Variants in KICS2 observed in about 807,000 individuals in gnomAD.
KICS2 encodes KICSTOR complex protein C12orf66.
A neutral mutation model predicts 31.4 loss-of-function variants in KICS2; 13 were observed. That is an observed-to-expected ratio of 0.41 (90% CI 0.27 to 0.66). KICS2 has a LOEUF of 0.66. Ranked by LOEUF, KICS2 falls within the 30% of genes least tolerant of loss-of-function variation. KICS2 has a pLI of 0.28. For missense variants in KICS2, 455 were observed against 545.4 expected, an observed-to-expected ratio of 0.83 and a Z score of 1.65; for synonymous variants, 209 against 214.8, an observed-to-expected ratio of 0.97 and a Z score of 0.24.
At chr12:64,212,118 A>G (rs900284018) in intron 2 of KICS2, among the ~76,000 whole-genome samples, 2 of 150,020 alleles carry the variant, frequency 1.3e-5, no homozygotes, top group African/African-American at 4.9e-5. Context: ...AAGGACAGTT[A>G]TATGTTCATT....
Position 64,196,310 on chromosome 12 carries a change from T to G in KICS2, c.522-1652A>C, listed in dbSNP as rs867586123. Among the ~76,000 whole-genome samples the G allele has an allele frequency of 1.6e-3, 238 of 151,802 alleles. 5 individuals are homozygous for G. The highest frequency in any genetic ancestry group is 5.6e-3 in the African/African-American group (232 of 41,216). ...CCTGACCCCTGACCCCCGAGCAGCC[T>G]AACTGGGAGGCACCCCCCAGCAGGG... On this transcript the variant is annotated intron_variant, in intron 2 of 2. Coordinates refer to ENST00000398055, the MANE Select transcript of KICS2 (RefSeq NM_152440.5).
rs534348683 is a variant in KICS2, at chr12:64,195,964, T to C, written c.522-1306A>G. Among the ~76,000 whole-genome samples, 3 of 151,482 alleles carry C rather than the reference T, an allele frequency of 2.0e-5. No individual in the cohort carries two copies. The East Asian group carries it at 5.8e-4, about 29-fold the overall frequency. ...TGGAGGGTCCTATGCCCACGGAATC[T>C]CGCTGATTGCTAGCACAGCAGTCTG... On this transcript the variant is annotated intron_variant, in intron 2 of 2. Coordinates refer to ENST00000398055, the MANE Select transcript of KICS2 (RefSeq NM_152440.5).
At chr12:64,204,164 C>T (rs749407934) in intron 2 of KICS2, among the ~76,000 whole-genome samples, 31 of 152,178 alleles carry the variant, frequency 2.0e-4, no homozygotes, top group African/African-American at 4.3e-4. Flanking sequence ...AATGAGAACA[C>T]GTGGACACAG....
intron 2 of KICS2, among the ~76,000 whole-genome samples, chr12:64,215,377 T>C (rs990733689): frequency 6.6e-6 from 1 of 152,196 alleles, no homozygotes; most frequent in African/African-American, 2.4e-5. Flanking sequence ...TATTATTTTA[T>C]ATACAATTCT....
At chr12:64,208,044 C>T (rs576468490) in intron 2 of KICS2, among the ~76,000 whole-genome samples, 18 of 152,280 alleles carry the variant, frequency 1.2e-4, no homozygotes, top group Middle Eastern at 3.4e-3. Flanking sequence ...CTCTCTCACT[C>T]TGTTGCCTAG....
intron 2 of KICS2, among the ~76,000 whole-genome samples, chr12:64,200,489 AC>A (rs1428703636): frequency 4.8e-5 from 1 of 20,688 alleles, no homozygotes; most frequent in Non-Finnish European, 1.1e-4. Flanking sequence ...TAGACCTAAA[AC>A]CATAAAAACC....
At chr12:64,205,058 T>C (rs756280335) in intron 2 of KICS2, among the ~76,000 whole-genome samples, 3 of 152,200 alleles carry the variant, frequency 2.0e-5, no homozygotes, top group Non-Finnish European at 4.4e-5. Context: ...TCATGGCTAT[T>C]AGGAAAATTT....
chr12:64,211,931 T>C (rs569521110), intron 2 of KICS2, among the ~76,000 whole-genome samples: 2 of 152,306 alleles, frequency 1.3e-5, no homozygotes, highest in South Asian at 2.1e-4. Flanking sequence ...AACTGTTTTT[T>C]TCATTCAAAA....
In KICS2 at chr12:64,194,555, A is replaced by G. The variant is rs1319307167; in HGVS notation, c.625T>C (p.Phe209Leu). 6.2e-7 allele frequency: 1 copy of G among 1,614,158 alleles called. No individual in the cohort carries two copies. The highest frequency in any genetic ancestry group is 8.5e-7 in the Non-Finnish European group (1 of 1,180,040). The change falls in exon 3 of 3, where the codon TTC (phenylalanine) becomes CTC (leucine). Residue 209 changes from phenylalanine (F) to leucine (L), a missense_variant. Physicochemically the swap from Phe to Leu is conservative, Grantham distance 22 (BLOSUM62 0). Coordinates refer to ENST00000398055, the MANE Select transcript of KICS2 (RefSeq NM_152440.5). ...KAQAQVSEWK[F>L]LPSLVNLHSA... ...TGTAAATTAACCAGAGATGGGAGGA[A>G]CTTCCACTCTGAGACCTGGGCCTGG...
rs556060634 is a variant in KICS2 at position 64,192,118 on chromosome 12, GTTCTTC to G, written c.*1718_*1723del. On this transcript the variant is annotated 3_prime_UTR_variant, in exon 3 of 3. Coordinates refer to ENST00000398055, the MANE Select transcript of KICS2 (RefSeq NM_152440.5). ...TAAAAAATAGGCCAGTAGATTCTTGGTTCTTCTTCTTCTTTTTTTTTTTTTGAGACA... is the reference window on the plus strand; with the variant it reads ...TAAAAAATAGGCCAGTAGATTCTTGGTTCTTCTTTTTTTTTTTTTGAGACA... 7 of 149,548 alleles carry G rather than the reference GTTCTTC, an allele frequency of 4.7e-5. No individual in the cohort carries two copies. The highest frequency in any genetic ancestry group is 1.7e-4 in the African/African-American group (7 of 40,404). The allele number at this position is 149,548 out of a possible 1,614,324, so 9.3% of individuals were successfully genotyped here.
downstream of KICS2, among the ~76,000 whole-genome samples, chr12:64,190,291 C>A (rs201022086): frequency 6.6e-5 from 10 of 152,284 alleles, no homozygotes; most frequent in East Asian, 1.9e-3. Context: ...TCCATCCTAA[C>A]AGTAACCTTT....
intron 2 of KICS2, among the ~76,000 whole-genome samples, chr12:64,209,660 C>T (rs1334608802): frequency 6.6e-6 from 1 of 152,214 alleles, no homozygotes; most frequent in Non-Finnish European, 1.5e-5. Context: ...ACACAACTGG[C>T]TTCCAGAAGA....
chr12:64,215,350 C>T (rs1379094820), intron 2 of KICS2, among the ~76,000 whole-genome samples: 1 of 151,994 alleles, frequency 6.6e-6, no homozygotes, highest in Non-Finnish European at 1.5e-5. Context: ...ATTTGGTTTC[C>T]AGAAAAAAGA....
intron 2 of KICS2, 76 bp from the exon 3 acceptor site, chr12:64,194,734 GC>G (rs1336166534): frequency 1.8e-5 from 26 of 1,479,674 alleles, no homozygotes; most frequent in Non-Finnish European, 2.2e-5. Flanking sequence ...TAACCACAAA[GC>G]AACAAAATGG....
At chr12:64,203,676 T>A (rs1172163951) in intron 2 of KICS2, among the ~76,000 whole-genome samples, 4 of 151,666 alleles carry the variant, frequency 2.6e-5, no homozygotes, top group African/African-American at 9.7e-5. Flanking sequence ...AAAAAAAAAA[T>A]CACAAGTGTA....
At position 64,194,465 on chromosome 12, in the gene KICS2, G is replaced by A. The variant is rs2037412805; in HGVS notation, c.715C>T (p.His239Tyr). ...TTCTGAGACTGCCCTCCAAACAGAT[G>A]TTTCTTGGTCTCCCGCTGTTTCTCA... ...IFEKQRETKKHLFGGQSQKAV... is the reference protein window; with the variant it reads ...IFEKQRETKKYLFGGQSQKAV... The change falls in exon 3 of 3, where the codon CAT (histidine) becomes TAT (tyrosine). Residue 239 changes from histidine to tyrosine, a missense_variant. Coordinates refer to ENST00000398055, the MANE Select transcript of KICS2 (RefSeq NM_152440.5). 6.2e-7 allele frequency: 1 copy of A among 1,614,106 alleles called. No homozygotes were observed. Among genetic ancestry groups the A allele is most frequent in the Non-Finnish European group, 8.5e-7 (1 of 1,180,054 alleles).
At chr12:64,205,468 T>C (rs893482416) in intron 2 of KICS2, among the ~76,000 whole-genome samples, 1 of 152,176 alleles carries the variant, frequency 6.6e-6, no homozygotes, top group African/African-American at 2.4e-5. Flanking sequence ...ACTCGTATCA[T>C]AGGAGGCTCT....
At chr12:64,189,008 C>T (rs2037360276), downstream of KICS2, among the ~76,000 whole-genome samples, 2 of 152,042 alleles carry the variant, frequency 1.3e-5, no homozygotes, top group South Asian at 2.1e-4. Flanking sequence ...CAAAAATTAG[C>T]TGGGCATGGT....
Position 64,215,775 on chromosome 12 carries a change from A to T in KICS2, c.424T>A (p.Phe142Ile). ...CTGAGGGTGTACATCTTCTCATAGA[A>T]GTCTGCTATCTCCATCCGAGCCTGA... is the stretch of plus-strand genomic sequence containing the variant. ...FVQARMEIAD[F>I]YEKMYTLSTQ... Residue 142 changes from phenylalanine (F) to isoleucine (I), a missense_variant, in exon 2 of 3, where the codon TTC becomes ATC. Transcript: ENST00000398055. 1.2e-6 allele frequency: 2 copies of T among 1,614,112 alleles called. No homozygotes were observed. Among genetic ancestry groups the T allele is most frequent in the Non-Finnish European group, 1.7e-6 (2 of 1,180,024 alleles).
Sources: gnomAD v4.1 joint callset for allele counts (sites outside exome capture counted in the v4.1 genomes callset) on GRCh38, gnomAD v4.1.1 for gene constraint, MANE v1.5 for transcripts, NCBI Gene and HGNC (gene_info 2026-07-23, HGNC 2026-07-21) for gene names.